Variants in STARD6 observed in about 807,000 individuals in gnomAD.
The protein encoded by STARD6 is StAR related lipid transfer domain containing 6.
A neutral mutation model predicts 22.3 loss-of-function variants in STARD6; 21 were observed. The ratio of observed to expected loss-of-function variants is 0.94; its 90% CI spans 0.67 to 1.35. STARD6 has a LOEUF of 1.35. STARD6 is among the 40% of genes most tolerant of loss of function. The probability of loss-of-function intolerance (pLI) is 0.00; values close to 1 mark genes in which losing one functional copy is unlikely to be tolerated. For missense variants in STARD6, 269 were observed against 266.9 expected (o/e 1.01, Z -0.05); for synonymous variants, 80 against 88.1 (o/e 0.91, Z 0.52).
At chr18:54,355,586 C>T (rs929979997) in intron 2 of STARD6, among the ~76,000 whole-genome samples, 1 of 152,070 alleles carries the variant, frequency 6.6e-6, no homozygotes, top group Non-Finnish European at 1.5e-5. Context: ...AGAAGAGGGC[C>T]CTCACCAGAA....
chr18:54,326,174 C>T (rs1480515950), intron 7 of STARD6, among the ~76,000 whole-genome samples: 1 of 151,934 alleles, frequency 6.6e-6, no homozygotes, highest in African/African-American at 2.4e-5. Context: ...CTAAGTGGTA[C>T]TATGGTGCTT....
intron 7 of STARD6, among the ~76,000 whole-genome samples, chr18:54,329,096 G>T (rs1309209910): frequency 6.6e-6 from 1 of 152,118 alleles, no homozygotes; most frequent in African/African-American, 2.4e-5. Flanking sequence ...TAACTGCTGG[G>T]AAATGTTTGT....
intron 6 of STARD6, among the ~76,000 whole-genome samples, chr18:54,331,291 T>C (rs1280888027): frequency 6.6e-6 from 1 of 152,114 alleles, no homozygotes; most frequent in Non-Finnish European, 1.5e-5. Flanking sequence ...GGGATAGGGA[T>C]ACATCAAAAC....
chr18:54,337,308 A>G (rs1008595358), intron 4 of STARD6, 57 bp from the exon 5 acceptor site: 51 of 1,517,638 alleles, frequency 3.4e-5, no homozygotes, highest in Non-Finnish European at 3.7e-5. Flanking sequence ...CTAAGCTGAA[A>G]ATATAATACT....
intron 7 of STARD6, among the ~76,000 whole-genome samples, chr18:54,325,259 CA>C (rs2144661131): frequency 6.6e-6 from 1 of 151,838 alleles, no homozygotes; most frequent in Admixed American, 6.6e-5. Context: ...TATATATACA[CA>C]AAAACAGCAT....
chr18:54,354,019 T>TA, intron 4 of STARD6, 35 bp downstream of exon 4: 1 of 1,396,794 alleles, frequency 7.2e-7, no homozygotes, highest in Non-Finnish European at 9.9e-7. Flanking sequence ...GCATTGAATT[T>TA]AAAACAGTAA....
At chr18:54,349,075 A>T (rs1167310302) in intron 4 of STARD6, among the ~76,000 whole-genome samples, 3 of 152,032 alleles carry the variant, frequency 2.0e-5, no homozygotes, top group African/African-American at 4.8e-5. Context: ...TGCCTATTAA[A>T]GTTAGTATCC....
In STARD6 at chr18:54,329,392, C is replaced by T. The variant is rs990124923; in HGVS notation, c.434G>A (p.Arg145His). ...AAAGCCACAAGGATGGTTATAACCG[C>T]GGATATAATTTGAAGATGGAGGATA... ...PEYPPSSNYI[R>H]GYNHPCGFVC... Residue 145 changes from arginine to histidine, a missense_variant, in exon 7 of 8, where the codon CGC (arginine) becomes CAC (histidine). By Grantham distance (29) the Arg-to-His change is conservative (BLOSUM62 0). Coordinates refer to ENST00000307844, the MANE Select transcript of STARD6 (RefSeq NM_139171.2). 6 of 1,603,516 alleles carry T rather than the reference C, an allele frequency of 3.7e-6. No individual in the cohort carries two copies. Among genetic ancestry groups the T allele is most frequent in the African/African-American group, 2.7e-5 (2 of 74,142 alleles).
Position 54,354,442 on chromosome 18 carries a change from T to C in STARD6, c.90+42A>G, listed in dbSNP as rs1220501086. On this transcript the variant is annotated intron_variant, in intron 3 of 7. Transcript: ENST00000307844. ...TCTTTACAATGAATTGTTTCTTACT[T>C]AAAAACAAAGTCTTGAAACATAATT... 5 of 1,525,866 alleles carry C rather than the reference T, an allele frequency of 3.3e-6. No individual in the cohort carries two copies. The Admixed American group carries it at 9.0e-5, about 28-fold the overall frequency. 94.5% of individuals were successfully genotyped at this position (1,525,866 alleles called of 1,614,324 possible). A position where few individuals can be genotyped will look rare whatever the true frequency, so the allele number is the denominator to read the frequency against.
At chr18:54,331,557 A>G (rs1306254293) in intron 6 of STARD6, among the ~76,000 whole-genome samples, 185 bp downstream of exon 6, 1 of 152,188 alleles carries the variant, frequency 6.6e-6, no homozygotes, top group Non-Finnish European at 1.5e-5. Flanking sequence ...ATTGACCATT[A>G]TATAAATGGC....
intron 6 of STARD6, among the ~76,000 whole-genome samples, chr18:54,330,060 T>C (rs2088853848): frequency 6.6e-6 from 1 of 151,992 alleles, no homozygotes; most frequent in Non-Finnish European, 1.5e-5. Flanking sequence ...GGGTGGTTTA[T>C]GATTTCATTT....
chr18:54,336,867 T>C (rs2088919059), intron 5 of STARD6, among the ~76,000 whole-genome samples: 1 of 152,254 alleles, frequency 6.6e-6, no homozygotes, highest in African/African-American at 2.4e-5. Flanking sequence ...CCCTGAGTTC[T>C]GTTCCTTTAT....
intron 4 of STARD6, among the ~76,000 whole-genome samples, chr18:54,352,385 AG>A (rs2089106132): frequency 6.6e-6 from 1 of 152,032 alleles, no homozygotes; most frequent in African/African-American, 2.4e-5. Context: ...TTCTTTTCAA[AG>A]AACTAGCCTG....
chr18:54,354,909 G>A (rs746289022), intron 2 of STARD6, among the ~76,000 whole-genome samples: 1 of 152,168 alleles, frequency 6.6e-6, no homozygotes, highest in Non-Finnish European at 1.5e-5. Context: ...TAGAATTAGC[G>A]TGAGGATTAG....
intron 7 of STARD6, 118 bp from the exon 8 acceptor site, chr18:54,324,993 G>T (rs969878881): frequency 2.6e-6 from 2 of 755,292 alleles, no homozygotes; most frequent in Non-Finnish European, 3.7e-6. Context: ...CTTAAAAATT[G>T]TACTTAAAAA....
rs528985923 is a variant in STARD6, at chr18:54,357,761, C to T, written c.-89+31G>A. 5.9e-5 allele frequency: 9 copies of T among 153,076 alleles called. No homozygotes were observed. In the South Asian group the frequency reaches 1.4e-3, roughly 25 times the overall value. 9.5% of individuals were successfully genotyped at this position (153,076 alleles called of 1,614,324 possible). A position where few individuals can be genotyped will look rare whatever the true frequency, so the allele number is the denominator to read the frequency against. ...TGGATGCAGCCCACATCCCCCCATT[C>T]CCAGCCCCAGAAAGGAGGGAGAAAC... On this transcript the variant is annotated intron_variant, in intron 1 of 7. Transcript: ENST00000307844.
In STARD6 at chr18:54,331,811, T is replaced by C; in HGVS notation, c.316A>G (p.Ile106Val). 6.2e-7 allele frequency: 1 copy of C among 1,613,528 alleles called. No homozygotes were observed. Residue 106 changes from isoleucine (I) to valine (V), a missense_variant, in exon 6 of 8, where the codon ATT becomes GTT. Coordinates refer to ENST00000307844, the MANE Select transcript of STARD6 (RefSeq NM_139171.2). The stretch of plus-strand genomic sequence containing the variant: ...AAGTCGATAAAGTCTCGAGGGGAAA[T>C]GGAGCCCACGGCAAAACTTTGTGTA... ...TITQSFAVGS[I>V]SPRDFIDLVY... is the part of the protein sequence containing the mutation.
intron 7 of STARD6, among the ~76,000 whole-genome samples, chr18:54,326,272 AT>A (rs920711547): frequency 3.9e-4 from 54 of 139,530 alleles, no homozygotes; most frequent in East Asian, 1.9e-3. Context: ...AAGTCATGCC[AT>A]TTTTTTTTTT....
At position 54,324,844 on chromosome 18, in the gene STARD6, C is replaced by G. The variant is rs145317417; in HGVS notation, c.511G>C (p.Val171Leu). 2.4e-5 allele frequency: 38 copies of G among 1,592,308 alleles called. No individual in the cohort carries two copies. The African/African-American group carries it at 4.5e-4, about 19-fold the overall frequency. ...AATTTTCCTCTCATTTCTGTCTGGA[C>G]AAACATCACTAGTTTGGAATATGCT... ...NPAYSKLVMF[V>L]QTEMRGKLSP... Residue 171 changes from valine to leucine, a missense_variant, in exon 8 of 8, where the codon GTC (valine) becomes CTC (leucine). Transcript: ENST00000307844.
Sources: gnomAD v4.1 joint callset for allele counts (sites outside exome capture counted in the v4.1 genomes callset) on GRCh38, gnomAD v4.1.1 for gene constraint, MANE v1.5 for transcripts, NCBI Gene and HGNC (gene_info 2026-07-23, HGNC 2026-07-21) for gene names.